The following SUGCT variants were observed in gnomAD, a reference collection of about 807,000 sequenced individuals.
SUGCT encodes succinyl-CoA:glutarate CoA-transferase.
A neutral mutation model predicts 55.0 loss-of-function variants in SUGCT; 41 were observed. The observed-to-expected ratio is 0.74, with a 90% CI of 0.58 to 0.97. The LOEUF (loss-of-function observed/expected upper bound fraction) is 0.97, where lower values mean the gene tolerates loss of function less well. Ranked by LOEUF, SUGCT falls within the 50% of genes least tolerant of loss-of-function variation. The pLI is 0.00. For synonymous variants in SUGCT, 187 were observed against 200.4 expected, an observed-to-expected ratio of 0.93 and a Z score of 0.56; for missense variants, 568 against 547.8, an observed-to-expected ratio of 1.04 and a Z score of -0.37.
chr7:40,598,135 G>A (rs968128614), intron 12 of SUGCT, among the ~76,000 whole-genome samples: 9 of 152,256 alleles, frequency 5.9e-5, no homozygotes, highest in Admixed American at 2.6e-4. Context: ...TCTCTGCATA[G>A]GTAGTGCCAC....
chr7:40,586,655 A>G (rs1325527484), intron 12 of SUGCT, among the ~76,000 whole-genome samples: 1 of 152,218 alleles, frequency 6.6e-6, no homozygotes, highest in East Asian at 1.9e-4. Context: ...GACAGTAGTA[A>G]TAATAACAGC....
intron 7 of SUGCT, among the ~76,000 whole-genome samples, chr7:40,248,005 G>GT (rs1790024890): frequency 2.0e-5 from 2 of 101,678 alleles, no homozygotes; most frequent in African/African-American, 7.5e-5. Flanking sequence ...TTGTGTTTTT[G>GT]TTTTTTTGTT....
At chr7:40,280,377 T>G (rs1792872950) in intron 8 of SUGCT, among the ~76,000 whole-genome samples, 1 of 152,232 alleles carries the variant, frequency 6.6e-6, no homozygotes, top group South Asian at 2.1e-4. Context: ...GAAGCGGGTT[T>G]GGATGTGGTT....
chr7:40,960,395 T>G, the SUGCT span, among the ~76,000 whole-genome samples: 1 of 152,294 alleles, frequency 6.6e-6, no homozygotes, highest in South Asian at 2.1e-4. Context: ...CTTAAATCAG[T>G]CATGGTACAT....
chr7:40,790,924 G>T (rs139822546), intron 13 of SUGCT, among the ~76,000 whole-genome samples: 1 of 152,276 alleles, frequency 6.6e-6, no homozygotes, highest in East Asian at 1.9e-4. Flanking sequence ...GCAAATGATT[G>T]AAAGGATTTA....
At chr7:40,616,305 C>T (rs888591493) in intron 12 of SUGCT, among the ~76,000 whole-genome samples, 1 of 152,082 alleles carries the variant, frequency 6.6e-6, no homozygotes, top group African/African-American at 2.4e-5. Flanking sequence ...CAGCCATTCT[C>T]ATGCCTGAGC....
At chr7:40,240,259 G>A (rs1450840213) in intron 7 of SUGCT, among the ~76,000 whole-genome samples, 1 of 152,020 alleles carries the variant, frequency 6.6e-6, no homozygotes, top group African/African-American at 2.4e-5. Context: ...CAAGGTGGGC[G>A]GGTCACCTGA....
chr7:40,212,528 T>C (rs1252214779), intron 6 of SUGCT, among the ~76,000 whole-genome samples: 2 of 151,878 alleles, frequency 1.3e-5, no homozygotes, highest in Non-Finnish European at 2.9e-5. Flanking sequence ...ATGATTATAG[T>C]TCAATATTTT....
intron 12 of SUGCT, among the ~76,000 whole-genome samples, chr7:40,610,982 T>C (rs1798742203): frequency 6.6e-6 from 1 of 152,154 alleles, no homozygotes; most frequent in Non-Finnish European, 1.5e-5. Flanking sequence ...CTGGGGAGGC[T>C]GGGTAAGGAA....
At chr7:40,699,943 C>T (rs1785105549) in intron 12 of SUGCT, among the ~76,000 whole-genome samples, 1 of 152,126 alleles carries the variant, frequency 6.6e-6, no homozygotes, top group African/African-American at 2.4e-5. Flanking sequence ...AGAATCAGAA[C>T]CCAGGCTATT....
At chr7:40,847,755 T>C (rs1449874686) in intron 13 of SUGCT, among the ~76,000 whole-genome samples, 2 of 152,068 alleles carry the variant, frequency 1.3e-5, no homozygotes, top group African/African-American at 4.8e-5. Context: ...TCACACAGTT[T>C]TACCCAACCC....
At chr7:40,581,092 G>T (rs907134043) in intron 12 of SUGCT, among the ~76,000 whole-genome samples, 1 of 152,156 alleles carries the variant, frequency 6.6e-6, no homozygotes, top group Non-Finnish European at 1.5e-5. Flanking sequence ...AATCCCTGTT[G>T]TGTGCTTCGC....
chr7:40,866,344 G>T, the SUGCT span, among the ~76,000 whole-genome samples: 1 of 151,990 alleles, frequency 6.6e-6, no homozygotes, highest in Non-Finnish European at 1.5e-5. Flanking sequence ...ACTTCCAGCT[G>T]TTCCTGATGG....
At chr7:40,233,720 T>A (rs1319646426) in intron 6 of SUGCT, among the ~76,000 whole-genome samples, 2 of 152,222 alleles carry the variant, frequency 1.3e-5, no homozygotes, top group Non-Finnish European at 2.9e-5. Context: ...ATACATTGAT[T>A]AATGCATCTT....
At chr7:40,796,600 T>A (rs937371528) in intron 13 of SUGCT, among the ~76,000 whole-genome samples, 1 of 152,168 alleles carries the variant, frequency 6.6e-6, no homozygotes, top group African/African-American at 2.4e-5. Context: ...CATTCCTGTT[T>A]TATAAGTGAG....
chr7:40,247,342 G>A (rs1789956397), intron 7 of SUGCT, among the ~76,000 whole-genome samples: 1 of 152,064 alleles, frequency 6.6e-6, no homozygotes. Context: ...TGCAACCTCC[G>A]CATCTTGGGT....
chr7:40,804,553 G>A (rs963328654), intron 13 of SUGCT, among the ~76,000 whole-genome samples: 1 of 147,756 alleles, frequency 6.8e-6, no homozygotes, highest in African/African-American at 2.5e-5. Flanking sequence ...ATCACTGTCC[G>A]GGCCATTACC....
In SUGCT at chr7:40,250,568, T is replaced by C. The variant is rs1299592875; in HGVS notation, c.576+12842T>C. Among the ~76,000 whole-genome samples, 4 of 152,130 alleles carry C rather than the reference T, an allele frequency of 2.6e-5. No homozygotes were observed. The East Asian group carries it at 5.8e-4, about 22-fold the overall frequency. On this transcript the variant is annotated intron_variant, in intron 7 of 13. Transcript: ENST00000335693. Reference sequence around the variant, plus strand: ...CAATGTTGACATCTGTTTATGCTTATACGTTGGCATATTCATAGCATATGA... The same window carrying C: ...CAATGTTGACATCTGTTTATGCTTACACGTTGGCATATTCATAGCATATGA...
At chr7:40,361,147 A>G (rs1241699698) in intron 9 of SUGCT, among the ~76,000 whole-genome samples, 1 of 152,028 alleles carries the variant, frequency 6.6e-6, no homozygotes. Context: ...TAATGACTTT[A>G]CCTATAGACT....
Sources: allele counts gnomAD v4.1 joint callset (sites outside exome capture counted in the v4.1 genomes callset), GRCh38; gene constraint gnomAD v4.1.1; transcripts MANE v1.5; gene names NCBI Gene and HGNC (gene_info 2026-07-23, HGNC 2026-07-21).